SFMBT2: variants seen among roughly 807,000 people sequenced by gnomAD.
SFMBT2 encodes the protein Scm like with four mbt domains 2, also known as scm-like with four MBT domains protein 2.
A neutral mutation model predicts 110.1 loss-of-function variants in SFMBT2; 38 were observed. The observed-to-expected ratio is 0.35, with a 90% confidence interval of 0.27 to 0.45. The LOEUF is 0.45. Ranked by LOEUF, SFMBT2 falls within the 20% of genes least tolerant of loss-of-function variation. The pLI, the probability that SFMBT2 is intolerant of heterozygous loss-of-function variation, is 1.00. For missense variants in SFMBT2, 1,011 were observed against 1,094.9 expected (o/e 0.92, Z 1.08); for synonymous variants, 425 against 425.4 (o/e 1.00, Z 0.01).
In SFMBT2 at chr10:7,197,522, C is replaced by T. The variant is rs777583981; in HGVS notation, c.1698+26G>A. The T allele has an allele frequency of 2.5e-6, 4 of 1,605,412 alleles. No individual in the cohort carries two copies. In the African/African-American group the frequency reaches 5.4e-5, roughly 22 times the overall value. On this transcript the variant is annotated intron_variant, in intron 15 of 20. Coordinates refer to ENST00000397167, the MANE Select transcript of SFMBT2 (RefSeq NM_001387889.1). ...TTTTAAAAAATCCTGTTAAAATAAGCCAAGGTGATTGTGCACGGGCTTTAC... is the reference window on the plus strand; with the variant it reads ...TTTTAAAAAATCCTGTTAAAATAAGTCAAGGTGATTGTGCACGGGCTTTAC...
rs1564395214 is a variant in SFMBT2 at position 7,228,721 on chromosome 10, TTCTTTCTTTCTTTCCTTTCTCTCTCTC to T, written c.1121-811_1121-785del. Among the ~76,000 whole-genome samples, 6 of 124,396 alleles carry T rather than the reference TTCTTTCTTTCTTTCCTTTCTCTCTCTC, an allele frequency of 4.8e-5. No homozygotes were observed. In the East Asian group the frequency reaches 8.8e-4, roughly 18 times the overall value. The allele number at this position is 124,396 out of a possible 152,430, so 81.6% of individuals were successfully genotyped here. On this transcript the variant is annotated intron_variant, in intron 9 of 20. Transcript: ENST00000397167. ...TTTCTTTCTTTCTTTCTTTCTTTCT[TTCTTTCTTTCTTTCCTTTCTCTCTCTC>T]TCTCTCTCTCTCTCTCTCTCTCTCT...
At chr10:7,379,790 A>G (rs1353255067) in intron 2 of SFMBT2, among the ~76,000 whole-genome samples, 1 of 152,172 alleles carries the variant, frequency 6.6e-6, no homozygotes, top group Admixed American at 6.5e-5. Flanking sequence ...ATGAGTATAC[A>G]TGGGTTTTCT....
At chr10:7,180,560 G>C (rs1402339480) in intron 16 of SFMBT2, among the ~76,000 whole-genome samples, 2 of 152,178 alleles carry the variant, frequency 1.3e-5, no homozygotes, top group African/African-American at 2.4e-5. Context: ...GCCATGAAGA[G>C]CCTTTAACCC....
At chr10:7,274,782 G>A (rs1339014205) in intron 7 of SFMBT2, among the ~76,000 whole-genome samples, 1 of 151,878 alleles carries the variant, frequency 6.6e-6, no homozygotes, top group Non-Finnish European at 1.5e-5. Context: ...TTGAGCCTGG[G>A]AGTTTGACAC....
At chr10:7,266,453 G>C (rs564569771) in intron 7 of SFMBT2, among the ~76,000 whole-genome samples, 2 of 152,156 alleles carry the variant, frequency 1.3e-5, no homozygotes. Flanking sequence ...GCAGGAATCT[G>C]GGGGTGACCT....
intron 9 of SFMBT2, among the ~76,000 whole-genome samples, chr10:7,238,419 GT>G (rs1588372228): frequency 6.6e-6 from 1 of 152,198 alleles, no homozygotes. Flanking sequence ...GTTAGCATCT[GT>G]TGAAGTAAGG....
At chr10:7,270,330 C>T (rs1841542834) in intron 7 of SFMBT2, among the ~76,000 whole-genome samples, 1 of 152,176 alleles carries the variant, frequency 6.6e-6, no homozygotes. Context: ...ATTTCACACA[C>T]TAGTCTCCAG....
In SFMBT2 at chr10:7,160,938, C is replaced by A. The variant is rs532537469; in HGVS notation, c.*2832G>T. The A allele has an allele frequency of 6.6e-6, 1 of 152,190 alleles. No individual in the cohort carries two copies. Among genetic ancestry groups the A allele is most frequent in the Non-Finnish European group, 1.5e-5 (1 of 68,056 alleles). The allele number at this position is 152,190 out of a possible 1,614,324, so 9.4% of individuals were successfully genotyped here. A position where few individuals can be genotyped will look rare whatever the true frequency, so the allele number is the denominator to read the frequency against. ...ATCTTTCTGGGCTCTCCTCAAGGACCGGAGAGATGGCACAGAGACAACTTT... is the reference window on the plus strand; with the variant it reads ...ATCTTTCTGGGCTCTCCTCAAGGACAGGAGAGATGGCACAGAGACAACTTT... On this transcript the variant is annotated 3_prime_UTR_variant, in exon 21 of 21. Transcript: ENST00000397167.
At chr10:7,271,904 C>A (rs1227596176) in intron 7 of SFMBT2, among the ~76,000 whole-genome samples, 1 of 152,164 alleles carries the variant, frequency 6.6e-6, no homozygotes, top group African/African-American at 2.4e-5. Flanking sequence ...AGACCCACCC[C>A]CATGATTCAG....
intron 4 of SFMBT2, among the ~76,000 whole-genome samples, chr10:7,327,951 C>T (rs1588452293): frequency 1.3e-5 from 2 of 152,228 alleles, no homozygotes; most frequent in South Asian, 2.1e-4. Flanking sequence ...TTTATGTGAA[C>T]GTAAGTTTTC....
intron 1 of SFMBT2, among the ~76,000 whole-genome samples, chr10:7,403,000 C>G (rs561474431): frequency 1.6e-4 from 24 of 152,234 alleles, no homozygotes; most frequent in Admixed American, 1.1e-3. Flanking sequence ...TATATTGAAA[C>G]CAATTATTTT....
At chr10:7,279,023 C>T (rs1841864113) in intron 6 of SFMBT2, among the ~76,000 whole-genome samples, 1 of 152,040 alleles carries the variant, frequency 6.6e-6, no homozygotes, top group South Asian at 2.1e-4. Context: ...ATCGCTTGAA[C>T]CCTGGAGGCG....
At chr10:7,348,622 A>T (rs1163624837) in intron 4 of SFMBT2, among the ~76,000 whole-genome samples, 1 of 152,262 alleles carries the variant, frequency 6.6e-6, no homozygotes, top group Non-Finnish European at 1.5e-5. Flanking sequence ...CTCTTGCTGC[A>T]TAACCTAAGA....
chr10:7,261,028 G>T (rs1242613829), intron 7 of SFMBT2, among the ~76,000 whole-genome samples: 1 of 151,694 alleles, frequency 6.6e-6, no homozygotes, highest in Non-Finnish European at 1.5e-5. Context: ...TGGTCTCTCT[G>T]TATGAGGTAT....
intron 4 of SFMBT2, among the ~76,000 whole-genome samples, chr10:7,309,248 C>A (rs1280444492): frequency 6.6e-6 from 1 of 152,228 alleles, no homozygotes; most frequent in Non-Finnish European, 1.5e-5. Context: ...AATGCTGGAG[C>A]AAGACGTCGG....
At chr10:7,286,098 T>C in intron 4 of SFMBT2, 144 bp from the exon 5 acceptor site, 1 of 612,462 alleles carries the variant, frequency 1.6e-6, no homozygotes, top group Non-Finnish European at 2.9e-6. Context: ...TTCATCACCA[T>C]GCTTAAGTAA....
chr10:7,190,058 C>T lies in SFMBT2; in HGVS notation c.1699-1325G>A, dbSNP rs111888012. On this transcript the variant is annotated intron_variant, in intron 15 of 20. Transcript: ENST00000397167. ...CACTCTTAAAATACTTTACACTACGCGGTCAGCCCGGCGACGGCCTTTTCT... is the reference window on the plus strand; with the variant it reads ...CACTCTTAAAATACTTTACACTACGTGGTCAGCCCGGCGACGGCCTTTTCT... Among the ~76,000 whole-genome samples, 363 of 152,296 alleles carry T rather than the reference C, an allele frequency of 2.4e-3. 2 individuals carry two copies. Among genetic ancestry groups the T allele is most frequent in the African/African-American group, 8.3e-3 (344 of 41,558 alleles).
rs1041821187 is a variant in SFMBT2, at chr10:7,164,027, C to G, written c.2545-117G>C. 5.6e-6 allele frequency: 8 copies of G among 1,418,986 alleles called. No individual in the cohort carries two copies. In the African/African-American group the frequency reaches 8.7e-5, roughly 15 times the overall value. 87.9% of individuals were successfully genotyped at this position (1,418,986 alleles called of 1,614,324 possible). A position where few individuals can be genotyped will look rare whatever the true frequency, so the allele number is the denominator to read the frequency against. ...GACAACAGGATGCTCTTGTTTCATT[C>G]AATTCAGGGGATTGTTGGTAGAGAT... On this transcript the variant is annotated intron_variant, in intron 20 of 20. Coordinates refer to ENST00000397167, the MANE Select transcript of SFMBT2 (RefSeq NM_001387889.1).
At chr10:7,203,645 C>T (rs1033450948) in intron 12 of SFMBT2, 17 of 980,526 alleles carry the variant, frequency 1.7e-5, no homozygotes, top group African/African-American at 5.3e-5. Context: ...ATTGGAACCC[C>T]AACCCCAGGA....
Sources: allele counts gnomAD v4.1 joint callset (sites outside exome capture counted in the v4.1 genomes callset), GRCh38; gene constraint gnomAD v4.1.1; transcripts MANE v1.5; gene names NCBI Gene and HGNC (gene_info 2026-07-23, HGNC 2026-07-21).